NRP2: variants seen among roughly 807,000 people sequenced by gnomAD.
NRP2 encodes neuropilin 2, also known as neuropilin-2.
In NRP2, 52 loss-of-function variants were observed where a neutral mutation model predicts 110.4. The ratio of observed to expected loss-of-function variants is 0.47; its 90% CI spans 0.38 to 0.59. NRP2 has a LOEUF of 0.59. Among genes scored for constraint, NRP2 ranks in the 20% least tolerant of loss-of-function variants. The pLI, the probability that NRP2 is intolerant of heterozygous loss-of-function variation, is 0.00. For synonymous variants in NRP2, 508 were observed against 468.9 expected, an observed-to-expected ratio of 1.08 and a Z score of -1.08; for missense variants, 1,049 against 1,203.0, an observed-to-expected ratio of 0.87 and a Z score of 1.89.
intron 9 of NRP2, among the ~76,000 whole-genome samples, chr2:205,743,890 C>T (rs899465898): frequency 6.6e-6 from 1 of 152,088 alleles, no homozygotes; most frequent in Non-Finnish European, 1.5e-5. Flanking sequence ...ATTACAGGTG[C>T]CCGCCACCAC....
intron 7 of NRP2, among the ~76,000 whole-genome samples, chr2:205,729,855 A>G (rs79086027): frequency 0.016 from 2,464 of 152,252 alleles, 77 homozygotes; most frequent in African/African-American, 0.056. Flanking sequence ...CAACTTTTTC[A>G]TAATGGATAT....
chr2:205,696,620 C>T (rs1436843858), intron 1 of NRP2, among the ~76,000 whole-genome samples: 2 of 152,216 alleles, frequency 1.3e-5, no homozygotes, highest in East Asian at 3.8e-4. Context: ...GAAGGTGGCT[C>T]CCTTCCCTCC....
intron 2 of NRP2, among the ~76,000 whole-genome samples, chr2:205,705,554 T>C (rs74438783): frequency 0.019 from 2,932 of 152,322 alleles, 76 homozygotes; most frequent in East Asian, 0.088. Flanking sequence ...GGGACTCAAC[T>C]GTATGTTTGT....
chr2:205,767,570 C>T lies in NRP2; in HGVS notation c.2425+767C>T, dbSNP rs183804565. 2.9e-4 allele frequency: 85 copies of T among 297,420 alleles called. No individual in the cohort carries two copies. In the East Asian group the frequency reaches 8.5e-3, roughly 30 times the overall value. The allele number at this position is 297,420 out of a possible 1,614,324, so 18.4% of individuals were successfully genotyped here. A position where few individuals can be genotyped will look rare whatever the true frequency, so the allele number is the denominator to read the frequency against. On this transcript the variant is annotated intron_variant, in intron 15 of 16. Coordinates refer to ENST00000357785, the MANE Select transcript of NRP2 (RefSeq NM_003872.3). ...GAAGAATTGGGGATGCTTGCCTCAT[C>T]CAGGTTATAAAAAAAAAAAAAGGCC...
In NRP2 at chr2:205,743,599, GCTA is replaced by G. The variant is rs1559342212; in HGVS notation, c.1641+48_1641+50del. 5.6e-6 allele frequency: 9 copies of G among 1,604,358 alleles called. No homozygotes were observed. The Admixed American group carries it at 1.4e-4, about 24-fold the overall frequency. ...CTGTAACGTTACCCTCAACAGGGAG[GCTA>G]AGTGTGGTACAGGGAGTTGAGACTG... On this transcript the variant is annotated intron_variant, in intron 9 of 16. Coordinates refer to ENST00000357785, the MANE Select transcript of NRP2 (RefSeq NM_003872.3).
chr2:205,768,016 C>T (rs976031108), intron 15 of NRP2: 3 of 152,362 alleles, frequency 2.0e-5, no homozygotes, highest in African/African-American at 2.4e-5. Flanking sequence ...GATATGCTCC[C>T]TGACTCCAAA....
At chr2:205,726,915 G>A (rs948028509) in intron 6 of NRP2, among the ~76,000 whole-genome samples, 1 of 152,210 alleles carries the variant, frequency 6.6e-6, no homozygotes, top group Non-Finnish European at 1.5e-5. Flanking sequence ...GTCCACAGAG[G>A]TTCTAACAGT....
chr2:205,781,767 A>G (rs948229043), intron 15 of NRP2, among the ~76,000 whole-genome samples: 2 of 152,224 alleles, frequency 1.3e-5, no homozygotes, highest in African/African-American at 4.8e-5. Context: ...CCAACCAGAG[A>G]AAAAGGGAGG....
rs950860096 is a variant in NRP2 at position 205,796,174 on chromosome 2, G to C, written c.*1116G>C. ...GCCCAACCTCTGTGATCATATGAGG[G>C]CCAAGGCTGAGCAGTGTAGACAGAG... On this transcript the variant is annotated 3_prime_UTR_variant, in exon 17 of 17. Coordinates refer to ENST00000357785, the MANE Select transcript of NRP2 (RefSeq NM_003872.3). 52 of 152,142 alleles carry C rather than the reference G, an allele frequency of 3.4e-4. No individual in the cohort carries two copies. Among genetic ancestry groups the C allele is most frequent in the African/African-American group, 1.1e-3 (46 of 41,418 alleles). The allele number at this position is 152,142 out of a possible 1,614,324, so 9.4% of individuals were successfully genotyped here.
chr2:205,748,377 AAAT>A (rs1345076714), intron 10 of NRP2, among the ~76,000 whole-genome samples: 8 of 152,196 alleles, frequency 5.3e-5, no homozygotes, highest in African/African-American at 1.9e-4. Flanking sequence ...TTTGTGTTTC[AAAT>A]AATTATGTTT....
intron 11 of NRP2, among the ~76,000 whole-genome samples, chr2:205,750,125 T>G (rs2057617416): frequency 6.6e-6 from 1 of 152,016 alleles, no homozygotes; most frequent in Non-Finnish European, 1.5e-5. Context: ...TTTTGAGGAG[T>G]CTCATTTGTT....
At position 205,716,221 on chromosome 2, in the gene NRP2, G is replaced by A. The variant is rs1309733428; in HGVS notation, c.280G>A (p.Asp94Asn). ...TGACTTTATCGAGATTCGGGATGGG[G>A]ACAGTGAATCCGCAGACCTCCTGGG... ...KYDFIEIRDG[D>N]SESADLLGKH... is the part of the protein sequence containing the mutation. The change falls in exon 3 of 17, where the codon GAC becomes AAC. Residue 94 changes from aspartate (D) to asparagine (N), a missense_variant. Transcript: ENST00000357785. The A allele has an allele frequency of 1.2e-6, 2 of 1,614,208 alleles. No homozygotes were observed. The highest frequency in any genetic ancestry group is 1.3e-5 in the African/African-American group (1 of 75,042).
At chr2:205,765,349 A>AAC (rs35659576) in intron 13 of NRP2, 125 bp from the exon 14 acceptor site, 354,362 of 721,558 alleles carry the variant, frequency 0.49, 39,182 homozygotes, top group Middle Eastern at 0.55. Flanking sequence ...CAGGTGCAAT[A>AAC]ACACACACAC....
intron 6 of NRP2, among the ~76,000 whole-genome samples, chr2:205,726,496 G>C (rs1461792345): frequency 6.6e-6 from 1 of 152,126 alleles, no homozygotes; most frequent in Non-Finnish European, 1.5e-5. Context: ...CATGATCTTT[G>C]CTATTGGAGA....
At chr2:205,754,330 G>A (rs750817822) in intron 12 of NRP2, among the ~76,000 whole-genome samples, 1 of 152,310 alleles carries the variant, frequency 6.6e-6, no homozygotes, top group Non-Finnish European at 1.5e-5. Context: ...GGGGCAGTGG[G>A]ACAGATGCTA....
At chr2:205,711,713 T>C (rs190856859) in intron 2 of NRP2, among the ~76,000 whole-genome samples, 139 of 152,252 alleles carry the variant, frequency 9.1e-4, no homozygotes, top group Non-Finnish European at 1.5e-3. Context: ...AGGGGCAGAG[T>C]ATTCTTCCTC....
At chr2:205,791,461 C>A (rs3770990) in intron 15 of NRP2, among the ~76,000 whole-genome samples, 1 of 152,140 alleles carries the variant, frequency 6.6e-6, no homozygotes, top group South Asian at 2.1e-4. Context: ...TTCAGTGGTT[C>A]TGATTTCTAT....
chr2:205,737,889 A>T (rs928018185), intron 7 of NRP2, among the ~76,000 whole-genome samples: 1 of 152,272 alleles, frequency 6.6e-6, no homozygotes, highest in South Asian at 2.1e-4. Flanking sequence ...GGCCACATGT[A>T]TCCATGGGAA....
chr2:205,707,000 C>A (rs1303899255), intron 2 of NRP2, among the ~76,000 whole-genome samples: 1 of 152,210 alleles, frequency 6.6e-6, no homozygotes, highest in Non-Finnish European at 1.5e-5. Context: ...CAGCTCCCAT[C>A]CTGCTTAGAG....
Sources: gnomAD v4.1 joint callset for allele counts (sites outside exome capture counted in the v4.1 genomes callset) on GRCh38, gnomAD v4.1.1 for gene constraint, MANE v1.5 for transcripts, NCBI Gene and HGNC (gene_info 2026-07-23, HGNC 2026-07-21) for gene names.